Variants in MYCBP2 observed in about 807,000 individuals in gnomAD.
MYCBP2 encodes the protein E3 ubiquitin-protein ligase MYCBP2.
MYCBP2 carries 120 observed loss-of-function variants against 525.3 expected under a neutral mutation model. That is an observed-to-expected ratio of 0.23 (90% CI 0.20 to 0.27). The LOEUF is 0.27. Among genes scored for constraint, MYCBP2 ranks in the 10% least tolerant of loss-of-function variants. The pLI, the probability that MYCBP2 is intolerant of heterozygous loss-of-function variation, is 1.00. For synonymous variants in MYCBP2, 1,894 were observed against 1,955.8 expected (o/e 0.97, Z 0.83); for missense variants, 4,149 against 5,657.1 (o/e 0.73, Z 8.55).
intron 80 of MYCBP2, 71 bp from the exon 81 acceptor site, chr13:77,051,989 A>G: frequency 8.7e-7 from 1 of 1,148,140 alleles, no homozygotes; most frequent in Non-Finnish European, 1.3e-6. Flanking sequence ...CAGTATGGGC[A>G]TAGTGAAAGT....
intron 35 of MYCBP2, 39 bp from the exon 36 acceptor site, chr13:77,176,667 T>G: frequency 1.4e-6 from 2 of 1,436,500 alleles, no homozygotes; most frequent in Non-Finnish European, 1.9e-6. Flanking sequence ...TCCAACAGAC[T>G]CTTAATTTTA....
rs2060087557 is a variant in MYCBP2 at position 77,180,172 on chromosome 13, C to T, written c.5088G>A (p.Leu1696=). The change falls in exon 34 of 83, where the codon CTG becomes CTA. Residue 1696 remains leucine, a synonymous_variant. Coordinates refer to ENST00000544440, the MANE Select transcript of MYCBP2 (RefSeq NM_015057.5). ...SHLVSNTCGL[L]ASIVSELTAS... is the part of the protein sequence containing the mutation. ...CTGTCAGTTCACTGACAATGCTGGC[C>T]AGTAATCCACAGGTGTTAGAGACGA... 5 of 1,613,888 alleles carry T rather than the reference C, an allele frequency of 3.1e-6. No individual in the cohort carries two copies. The highest frequency in any genetic ancestry group is 4.2e-6 in the Non-Finnish European group (5 of 1,179,950).
At chr13:77,050,932 A>G in intron 82 of MYCBP2, 65 bp downstream of exon 82, 1 of 1,369,500 alleles carries the variant, frequency 7.3e-7, no homozygotes, top group South Asian at 1.3e-5. Flanking sequence ...GAGCTTTCAT[A>G]TAATGTTTAC....
intron 2 of MYCBP2, among the ~76,000 whole-genome samples, chr13:77,295,640 A>T (rs1342226522): frequency 1.6e-4 from 24 of 152,210 alleles, no homozygotes; most frequent in Admixed American, 1.6e-3. Flanking sequence ...TGTTTCTTTA[A>T]CTCAAAGTGA....
At chr13:77,295,372 T>C (rs1160243240) in intron 2 of MYCBP2, among the ~76,000 whole-genome samples, 1 of 152,148 alleles carries the variant, frequency 6.6e-6, no homozygotes, top group African/African-American at 2.4e-5. Flanking sequence ...GACCTCGTGA[T>C]CTGCCAGCCT....
In MYCBP2 at chr13:77,105,367, T is replaced by G. The variant is rs111467156; in HGVS notation, c.8141-6354A>C. Among the ~76,000 whole-genome samples the G allele has an allele frequency of 2.0e-3, 312 of 152,216 alleles. 2 individuals carry two copies. Among genetic ancestry groups the G allele is most frequent in the African/African-American group, 5.5e-3 (229 of 41,558 alleles). The stretch of plus-strand genomic sequence containing the variant: ...ATATATTACAAAGGCTAGAGAGACT[T>G]GATTCCTAGGTATGATTCAGAGTGA... On this transcript the variant is annotated intron_variant, in intron 55 of 82. Transcript: ENST00000544440.
chr13:77,104,207 A>C (rs1030427928), intron 55 of MYCBP2, among the ~76,000 whole-genome samples: 3 of 152,130 alleles, frequency 2.0e-5, no homozygotes, highest in African/African-American at 7.2e-5. Context: ...TATTATTGAA[A>C]TAAACTAGAC....
At chr13:77,142,901 A>G (rs2054909400) in intron 49 of MYCBP2, among the ~76,000 whole-genome samples, 1 of 152,220 alleles carries the variant, frequency 6.6e-6, no homozygotes, top group African/African-American at 2.4e-5. Flanking sequence ...CAAAATCAGA[A>G]AAAGTCCAAA....
chr13:77,045,614 A>C, intron 82 of MYCBP2, 121 bp from the exon 83 acceptor site: 1 of 662,008 alleles, frequency 1.5e-6, no homozygotes, highest in Non-Finnish European at 2.6e-6. Context: ...TGGTTATACA[A>C]ATATAACATT....
In MYCBP2 at chr13:77,205,522, T is replaced by C. The variant is rs769237067; in HGVS notation, c.3666A>G (p.Val1222=). 25 of 1,613,612 alleles carry C rather than the reference T, an allele frequency of 1.5e-5. No homozygotes were observed. Among genetic ancestry groups the C allele is most frequent in the South Asian group, 1.3e-4 (12 of 91,048 alleles). ...VASTEEETQA[V]MKVYSKEDYS... is the part of the protein sequence containing the mutation. ...AATCTTCTTTAGAATAAACCTTCATTACTGCTTGAGTCTCTTCCTCTGTAC... is the reference window on the plus strand; with the variant it reads ...AATCTTCTTTAGAATAAACCTTCATCACTGCTTGAGTCTCTTCCTCTGTAC... The change falls in exon 25 of 83, where the codon GTA becomes GTG. Residue 1222 remains valine (V), a synonymous_variant. Coordinates refer to ENST00000544440, the MANE Select transcript of MYCBP2 (RefSeq NM_015057.5).
rs775922416 is a variant in MYCBP2, at chr13:77,211,293, G to A, written c.3290C>T (p.Pro1097Leu). The A allele has an allele frequency of 6.7e-7, 1 of 1,491,126 alleles. No homozygotes were observed. The highest frequency in any genetic ancestry group is 1.5e-5 in the South Asian group (1 of 67,084). The allele number at this position is 1,491,126 out of a possible 1,614,324, so 92.4% of individuals were successfully genotyped here. ...IGLVPASISE[P>L]PPFKCLLINK... Reference sequence around the variant, plus strand: ...TATCAGAAGGCATTTAAATGGAGGAGGTTCTGATATAGAAGCAGGTACCAA... The same window carrying A: ...TATCAGAAGGCATTTAAATGGAGGAAGTTCTGATATAGAAGCAGGTACCAA... The change falls in exon 23 of 83, where the codon CCT becomes CTT. Residue 1097 changes from proline (P) to leucine (L), a missense_variant. Pro to Leu is a moderately conservative substitution (Grantham distance 98). Around this residue, in one of 21 missense-constraint regions of MYCBP2, gnomAD observed 620 missense variants for 795.5 expected, o/e 0.78. Transcript: ENST00000544440.
Position 77,140,062 on chromosome 13 carries a change from G to C in MYCBP2, c.7503C>G (p.Ile2501Met), listed in dbSNP as rs574787704. The C allele has an allele frequency of 6.2e-7, 1 of 1,602,738 alleles. No homozygotes were observed. The highest frequency in any genetic ancestry group is 1.1e-5 in the South Asian group (1 of 88,488). Residue 2501 changes from isoleucine (I) to methionine (M), a missense_variant, in exon 51 of 83, where the codon ATC becomes ATG. By Grantham distance (10) the Ile-to-Met change is conservative. Transcript: ENST00000544440. The part of the protein sequence containing the change: ...QIGIVKVNGT[I>M]TFIDEIHNDD... ...TATCAATTACCTCATCAATAAAAGT[G>C]ATAGTTCCATTGACTTTCACTATGC...
Position 77,054,218 on chromosome 13 carries a change from C to T in MYCBP2, c.13647+1340G>A, listed in dbSNP as rs376252859. Among the ~76,000 whole-genome samples the T allele has an allele frequency of 4.1e-4, 62 of 152,190 alleles. No individual in the cohort carries two copies. In the South Asian group the frequency reaches 8.7e-3, roughly 21 times the overall value. ...AGAGCATCCTTTAAACACCAATGGC[C>T]TGTGCAATGGCATGGGGGTGTCAGT... On this transcript the variant is annotated intron_variant, in intron 80 of 82. Transcript: ENST00000544440.
At chr13:77,050,910 T>A in intron 82 of MYCBP2, 87 bp downstream of exon 82, 1 of 1,188,478 alleles carries the variant, frequency 8.4e-7, no homozygotes. Flanking sequence ...TGAGTTTCTG[T>A]CACTTGAAAC....
At chr13:77,188,073 CAAA>C (rs745537934) in intron 30 of MYCBP2, among the ~76,000 whole-genome samples, 3 of 53,212 alleles carry the variant, frequency 5.6e-5, no homozygotes, top group African/African-American at 7.2e-5. Flanking sequence ...TCTGCCTCAC[CAAA>C]AAAAAAAAAA....
At chr13:77,196,011 T>C (rs1243798887) in intron 26 of MYCBP2, among the ~76,000 whole-genome samples, 2 of 152,176 alleles carry the variant, frequency 1.3e-5, no homozygotes, top group Non-Finnish European at 2.9e-5. Context: ...AACAATACAA[T>C]CAAAGAATTG....
In MYCBP2 at chr13:77,126,339, G is replaced by T; in HGVS notation, c.7863C>A (p.Asn2621Lys). The T allele has an allele frequency of 6.2e-7, 1 of 1,613,712 alleles. No homozygotes were observed. The highest frequency in any genetic ancestry group is 8.5e-7 in the Non-Finnish European group (1 of 1,179,722). ...ATACCTCTCCCACTGCTTTGACTTT[G>T]TTTCCCAGAACTAACATTCCAATTG... ...GIPIGMLVLG[N>K]KVKAVGEVTN... Residue 2621 changes from asparagine to lysine, a missense_variant, in exon 53 of 83, where the codon AAC (asparagine) becomes AAA (lysine). By Grantham distance (94) the Asn-to-Lys change is moderately conservative. Coordinates refer to ENST00000544440, the MANE Select transcript of MYCBP2 (RefSeq NM_015057.5).
At chr13:77,311,426 C>T (rs2080188586) in intron 1 of MYCBP2, among the ~76,000 whole-genome samples, 1 of 152,070 alleles carries the variant, frequency 6.6e-6, no homozygotes, top group Non-Finnish European at 1.5e-5. Flanking sequence ...AAGATGCCAA[C>T]CCTAAGACGA....
At position 77,211,291 on chromosome 13, in the gene MYCBP2, G is replaced by A. The variant is rs781083495; in HGVS notation, c.3292C>T (p.Pro1098Ser). Reference sequence around the variant, plus strand: ...TTTATCAGAAGGCATTTAAATGGAGGAGGTTCTGATATAGAAGCAGGTACC... The same window carrying A: ...TTTATCAGAAGGCATTTAAATGGAGAAGGTTCTGATATAGAAGCAGGTACC... ...GLVPASISEP[P>S]PFKCLLINKV... Residue 1098 changes from proline (P) to serine (S), a missense_variant, in exon 23 of 83, where the codon CCT becomes TCT. Pro to Ser is a moderately conservative substitution (Grantham distance 74). Coordinates refer to ENST00000544440, the MANE Select transcript of MYCBP2 (RefSeq NM_015057.5). 1.6e-5 allele frequency: 24 copies of A among 1,499,382 alleles called. No individual in the cohort carries two copies. The allele number at this position is 1,499,382 out of a possible 1,614,324, so 92.9% of individuals were successfully genotyped here. A position where few individuals can be genotyped will look rare whatever the true frequency, so the allele number is the denominator to read the frequency against.
Sources: gnomAD v4.1 joint callset for allele counts (sites outside exome capture counted in the v4.1 genomes callset) on GRCh38, gnomAD v4.1.1 for gene constraint, gnomAD v4.1.1 regional missense constraint, MANE v1.5 for transcripts, NCBI Gene and HGNC (gene_info 2026-07-23, HGNC 2026-07-21) for gene names.